PROS1: variants seen among roughly 807,000 people sequenced by gnomAD.
PROS1 encodes the protein vitamin K-dependent protein S.
PROS1 carries 29 observed loss-of-function variants against 75.9 expected under a neutral mutation model. That is an observed-to-expected ratio of 0.38 (90% confidence interval 0.28 to 0.52). The LOEUF (loss-of-function observed/expected upper bound fraction) is 0.52. Ranked by LOEUF, PROS1 falls within the 20% of genes least tolerant of loss-of-function variation. The pLI is 0.83. For synonymous variants in PROS1, 245 were observed against 280.6 expected (o/e 0.87, Z 1.27); for missense variants, 680 against 810.3 (o/e 0.84, Z 1.95).
chr3:93,919,664 A>G (rs1183997527), intron 3 of PROS1, among the ~76,000 whole-genome samples: 1 of 152,040 alleles, frequency 6.6e-6, no homozygotes, highest in South Asian at 2.1e-4. Flanking sequence ...ATTTTCCCCC[A>G]TGTCATCAGT....
At chr3:93,933,534 A>C (rs1576201829) in intron 1 of PROS1, among the ~76,000 whole-genome samples, 4 of 152,082 alleles carry the variant, frequency 2.6e-5, no homozygotes, top group Admixed American at 2.6e-4. Context: ...CGAATGTGTC[A>C]CTGCACTCCA....
In PROS1 at chr3:93,962,193, A is replaced by G. The variant is rs1340993116; in HGVS notation, c.76+11481T>C. ...GTTAGCAGCTCTTACTCACCTGAAC[A>G]AAAACTGGGGTGTGTGTAGTGATCA... On this transcript the variant is annotated intron_variant, in intron 1 of 14. Transcript: ENST00000394236. Among the ~76,000 whole-genome samples the G allele has an allele frequency of 2.0e-5, 3 of 152,214 alleles. 1 individual carries two copies. In the South Asian group the frequency reaches 6.2e-4, roughly 32 times the overall value.
At chr3:93,947,961 G>A (rs1709432377) in intron 1 of PROS1, among the ~76,000 whole-genome samples, 2 of 152,146 alleles carry the variant, frequency 1.3e-5, no homozygotes, top group South Asian at 2.1e-4. Flanking sequence ...TAGAAGCCTG[G>A]TTATTGATAC....
intron 1 of PROS1, among the ~76,000 whole-genome samples, chr3:93,949,849 G>A (rs1456851626): frequency 2.0e-5 from 3 of 152,294 alleles, no homozygotes; most frequent in Admixed American, 6.5e-5. Flanking sequence ...GACAGTGGGT[G>A]CAGCCCACAG....
At chr3:93,941,536 T>C (rs1331947423) in intron 1 of PROS1, among the ~76,000 whole-genome samples, 2 of 152,222 alleles carry the variant, frequency 1.3e-5, no homozygotes. Context: ...GAAATTTAGC[T>C]GACCCCATAG....
chr3:93,972,015 C>G (rs181079806), intron 1 of PROS1, among the ~76,000 whole-genome samples: 8 of 152,222 alleles, frequency 5.3e-5, no homozygotes, highest in Admixed American at 5.2e-4. Flanking sequence ...TTATATATAA[C>G]AAGTGTAATT....
chr3:93,933,450 C>G (rs1709135620), intron 1 of PROS1, among the ~76,000 whole-genome samples: 1 of 151,460 alleles, frequency 6.6e-6, no homozygotes, highest in Non-Finnish European at 1.5e-5. Context: ...TGGCGCACAC[C>G]TGGAATCCCA....
At chr3:93,931,317 T>A (rs1709102179) in intron 1 of PROS1, among the ~76,000 whole-genome samples, 1 of 152,220 alleles carries the variant, frequency 6.6e-6, no homozygotes, top group Non-Finnish European at 1.5e-5. Context: ...TTAACTTTTT[T>A]CATTTACATA....
chr3:93,904,900 CAG>C (rs2107169412), intron 6 of PROS1, among the ~76,000 whole-genome samples: 1 of 152,014 alleles, frequency 6.6e-6, no homozygotes, highest in South Asian at 2.1e-4. Context: ...GCTAAACTAA[CAG>C]GGAATATTTA....
intron 4 of PROS1, among the ~76,000 whole-genome samples, chr3:93,907,434 C>A (rs931449531): frequency 3.3e-5 from 5 of 152,170 alleles, no homozygotes; most frequent in Admixed American, 2.6e-4. Flanking sequence ...TCTAGGCCTC[C>A]TCTCTACTGA....
intron 6 of PROS1, among the ~76,000 whole-genome samples, chr3:93,903,573 G>A (rs1015194528): frequency 6.6e-6 from 1 of 152,132 alleles, no homozygotes; most frequent in Non-Finnish European, 1.5e-5. Context: ...GGGAGGCTGA[G>A]GTGGGAGGAT....
At chr3:93,900,175 T>G (rs1281839105) in intron 7 of PROS1, among the ~76,000 whole-genome samples, 1 of 152,216 alleles carries the variant, frequency 6.6e-6, no homozygotes, top group Admixed American at 6.5e-5. Flanking sequence ...AGCTTCCTGA[T>G]GCACACAGGG....
At chr3:93,885,417 G>A (rs1265092008) in intron 11 of PROS1, among the ~76,000 whole-genome samples, 4 of 152,058 alleles carry the variant, frequency 2.6e-5, no homozygotes, top group Non-Finnish European at 5.9e-5. Context: ...GTAGAGATGG[G>A]GTTTTGCTAC....
At chr3:93,960,217 C>T (rs1313967020) in intron 1 of PROS1, among the ~76,000 whole-genome samples, 7 of 149,200 alleles carry the variant, frequency 4.7e-5, no homozygotes. Context: ...CGCTCTGTCG[C>T]CCAGGCTGGA....
intron 13 of PROS1, among the ~76,000 whole-genome samples, chr3:93,878,718 T>C (rs1708227979): frequency 6.6e-6 from 1 of 152,198 alleles, no homozygotes; most frequent in African/African-American, 2.4e-5. Flanking sequence ...GGAGAAAAGA[T>C]TAAGAGTGTA....
At chr3:93,891,761 A>G (rs1167068658) in intron 10 of PROS1, among the ~76,000 whole-genome samples, 1 of 152,098 alleles carries the variant, frequency 6.6e-6, no homozygotes, top group African/African-American at 2.4e-5. Flanking sequence ...TATCATTTGC[A>G]CAAAAACTGA....
At chr3:93,962,753 C>G (rs540708579) in intron 1 of PROS1, among the ~76,000 whole-genome samples, 8 of 152,290 alleles carry the variant, frequency 5.3e-5, no homozygotes, top group African/African-American at 1.9e-4. Context: ...GCAGTGGACT[C>G]TCAGTGGACT....
chr3:93,942,869 C>G (rs531122134), intron 1 of PROS1, among the ~76,000 whole-genome samples: 1 of 152,290 alleles, frequency 6.6e-6, no homozygotes, highest in Non-Finnish European at 1.5e-5. Context: ...CCCTACACAT[C>G]AGGCTCAGGG....
chr3:93,968,313 G>GA (rs1709820705), intron 1 of PROS1, among the ~76,000 whole-genome samples: 1 of 152,112 alleles, frequency 6.6e-6, no homozygotes, highest in Admixed American at 6.5e-5. Context: ...TGTACAGAGG[G>GA]AAAACGATGT....
Sources: gnomAD v4.1 joint callset for allele counts (sites outside exome capture counted in the v4.1 genomes callset) on GRCh38, gnomAD v4.1.1 for gene constraint, MANE v1.5 for transcripts, NCBI Gene and HGNC (gene_info 2026-07-23, HGNC 2026-07-21) for gene names.